TNFRSF10C: variants seen among roughly 807,000 people sequenced by gnomAD.
TNFRSF10C encodes the protein TNF receptor superfamily member 10c.
TNFRSF10C carries 17 observed loss-of-function variants against 16.7 expected under a neutral mutation model. That is an observed-to-expected ratio of 1.02 (90% CI 0.70 to 1.53). TNFRSF10C has a LOEUF of 1.53. Among genes scored for constraint, TNFRSF10C ranks in the 40% most tolerant of loss-of-function variants. The pLI is 0.00. For synonymous variants in TNFRSF10C, 73 were observed against 119.7 expected (o/e 0.61, Z 2.55); for missense variants, 237 against 329.7 (o/e 0.72, Z 2.18).
chr8:23,103,164 G>A lies in TNFRSF10C; in HGVS notation c.43G>A (p.Val15Ile), dbSNP rs147367612. 2 of 1,611,664 alleles carry A rather than the reference G, an allele frequency of 1.2e-6. No individual in the cohort carries two copies. The highest frequency in any genetic ancestry group is 1.7e-6 in the Non-Finnish European group (2 of 1,179,232). ...GACCCTAAAGTTCGTCGTCGTCATC[G>A]TCGCGGTCCTGCTGCCAGTGAGTCC... The part of the protein sequence containing the change: ...PKTLKFVVVI[V>I]AVLLPVLAYS... Residue 15 changes from valine (V) to isoleucine (I), a missense_variant, in exon 1 of 5, where the codon GTC (valine) becomes ATC (isoleucine). By Grantham distance (29) the Val-to-Ile change is conservative. Around this residue, in one of 2 missense-constraint regions of TNFRSF10C, gnomAD observed 212 missense variants for 196.8 expected, o/e 1.08. Transcript: ENST00000356864.
rs1430445136 is a variant in TNFRSF10C, at chr8:23,110,069, C to T, written c.61-1651C>T. 5.0e-5 allele frequency among the ~76,000 whole-genome samples: 2 copies of T among 39,642 alleles called. 1 individual carries two copies. Among genetic ancestry groups the T allele is most frequent in the Non-Finnish European group, 7.9e-5 (2 of 25,162 alleles). The allele number at this position is 39,642 out of a possible 152,430, so 26.0% of individuals were successfully genotyped here. A position where few individuals can be genotyped will look rare whatever the true frequency, so the allele number is the denominator to read the frequency against. On this transcript the variant is annotated intron_variant, in intron 1 of 4. Transcript: ENST00000356864. ...GGAGGACAGAGGGAGACCCTGTCTCCAAAAAAAAAAAAAAAAAAAAAAAAA... is the reference window on the plus strand; with the variant it reads ...GGAGGACAGAGGGAGACCCTGTCTCTAAAAAAAAAAAAAAAAAAAAAAAAA...
chr8:23,110,916 CAT>C (rs1443790069), intron 1 of TNFRSF10C, among the ~76,000 whole-genome samples: 2 of 152,178 alleles, frequency 1.3e-5, no homozygotes, highest in African/African-American at 2.4e-5. Context: ...ATGAAGGGCT[CAT>C]ATGTGTGTGG....
intron 4 of TNFRSF10C, 135 bp from the exon 5 acceptor site, chr8:23,116,506 A>G: frequency 7.9e-7 from 1 of 1,258,250 alleles, no homozygotes; most frequent in Non-Finnish European, 1.1e-6. Context: ...AACTTGGGGG[A>G]CCCCCTCCAG....
chr8:23,113,200 T>C (rs1294342473), intron 2 of TNFRSF10C, among the ~76,000 whole-genome samples: 1 of 152,240 alleles, frequency 6.6e-6, no homozygotes, highest in Non-Finnish European at 1.5e-5. Context: ...TTTTGGATTT[T>C]AACCAAAATC....
chr8:23,115,454 A>T (rs1413714503), intron 3 of TNFRSF10C, 54 bp from the exon 4 acceptor site: 6 of 1,504,696 alleles, frequency 4.0e-6, no homozygotes, highest in Admixed American at 1.7e-5. Context: ...GGTAAGGAAG[A>T]TCGAGGGATA....
chr8:23,110,707 G>T (rs1813865241), intron 1 of TNFRSF10C, among the ~76,000 whole-genome samples: 1 of 152,170 alleles, frequency 6.6e-6, no homozygotes, highest in African/African-American at 2.4e-5. Flanking sequence ...CCTTTGTAAA[G>T]CAGTAATTAA....
At chr8:23,107,426 C>G (rs962891762) in intron 1 of TNFRSF10C, among the ~76,000 whole-genome samples, 1 of 152,058 alleles carries the variant, frequency 6.6e-6, no homozygotes, top group African/African-American at 2.4e-5. Context: ...GGTGGTAGTT[C>G]CACAATGTAT....
chr8:23,114,808 GT>G, intron 3 of TNFRSF10C, 38 bp downstream of exon 3: 1 of 1,576,406 alleles, frequency 6.3e-7, no homozygotes, highest in South Asian at 1.1e-5. Flanking sequence ...GAGGTGGAGC[GT>G]GGGGCAATGA....
intron 1 of TNFRSF10C, among the ~76,000 whole-genome samples, chr8:23,107,217 A>G (rs1028816225): frequency 2.6e-5 from 4 of 152,214 alleles, no homozygotes; most frequent in African/African-American, 9.6e-5. Flanking sequence ...AAAAACAGAA[A>G]AACACAGAAA....
At chr8:23,108,176 C>A (rs1813813568) in intron 1 of TNFRSF10C, among the ~76,000 whole-genome samples, 1 of 151,720 alleles carries the variant, frequency 6.6e-6, no homozygotes, top group Admixed American at 6.6e-5. Flanking sequence ...AAGGAAGGAA[C>A]AGGAAGGAAA....
intron 1 of TNFRSF10C, among the ~76,000 whole-genome samples, chr8:23,106,744 C>T (rs12679877): frequency 0.35 from 52,498 of 151,840 alleles, 9,982 homozygotes; most frequent in African/African-American, 0.49. Context: ...CCCAGCACTT[C>T]GGGAGGTCAA....
rs190914562 is a variant in TNFRSF10C, at chr8:23,113,166, T to C, written c.166+1341T>C. ...ACTTGGATTATTTGATTGTGTGCTA[T>C]TGAGATGTTTGAGTTCCTGTGTATT... On this transcript the variant is annotated intron_variant, in intron 2 of 4. Coordinates refer to ENST00000356864, the MANE Select transcript of TNFRSF10C (RefSeq NM_003841.5). 4.6e-5 allele frequency among the ~76,000 whole-genome samples: 7 copies of C among 152,360 alleles called. No individual in the cohort carries two copies. In the East Asian group the frequency reaches 5.8e-4, roughly 13 times the overall value.
At position 23,117,247 on chromosome 8, in the gene TNFRSF10C, G is replaced by A; in HGVS notation, c.*216G>A. 7.0e-6 allele frequency: 5 copies of A among 709,478 alleles called. No individual in the cohort carries two copies. The highest frequency in any genetic ancestry group is 9.1e-6 in the Non-Finnish European group (4 of 439,138). 43.9% of individuals were successfully genotyped at this position (709,478 alleles called of 1,614,324 possible). On this transcript the variant is annotated 3_prime_UTR_variant, in exon 5 of 5. Coordinates refer to ENST00000356864, the MANE Select transcript of TNFRSF10C (RefSeq NM_003841.5). ...TCCCCACATCCCGTGCACCCCCCAG[G>A]ACCCTGGTCTCATCAGTCCCTCTCC...
chr8:23,113,177 G>T (rs1813911852), intron 2 of TNFRSF10C, among the ~76,000 whole-genome samples: 1 of 152,136 alleles, frequency 6.6e-6, no homozygotes, highest in African/African-American at 2.4e-5. Context: ...TGAGATGTTT[G>T]AGTTCCTGTG....
chr8:23,106,830 C>A (rs1042416690), intron 1 of TNFRSF10C, among the ~76,000 whole-genome samples: 2 of 151,408 alleles, frequency 1.3e-5, no homozygotes, highest in Non-Finnish European at 2.9e-5. Flanking sequence ...ACTGAAAATA[C>A]AAAACAATTA....
At chr8:23,108,550 A>G (rs1301509296) in intron 1 of TNFRSF10C, among the ~76,000 whole-genome samples, 1 of 152,214 alleles carries the variant, frequency 6.6e-6, no homozygotes, top group African/African-American at 2.4e-5. Context: ...AGGACATTGA[A>G]TATTATGGGA....
rs1190186152 is a variant in TNFRSF10C at position 23,115,526 on chromosome 8, C to A, written c.299C>A (p.Ser100Tyr). 6 of 1,612,904 alleles carry A rather than the reference C, an allele frequency of 3.7e-6. No individual in the cohort carries two copies. Among genetic ancestry groups the A allele is most frequent in the Non-Finnish European group, 4.2e-6 (5 of 1,179,450 alleles). The stretch of plus-strand genomic sequence containing the variant: ...TTGTCAGATCAAAAACATAAAAGTT[C>A]CTGCACCATGACCAGAGACACAGTG... ...VCKSDQKHKS[S>Y]CTMTRDTVCQ... Residue 100 changes from serine to tyrosine, a missense_variant, in exon 4 of 5, where the codon TCC becomes TAC. Coordinates refer to ENST00000356864, the MANE Select transcript of TNFRSF10C (RefSeq NM_003841.5).
At chr8:23,103,411 C>A (rs1230207339) in intron 1 of TNFRSF10C, 7 of 712,720 alleles carry the variant, frequency 9.8e-6, no homozygotes, top group Non-Finnish European at 1.6e-5. Context: ...GCCCCGAGCC[C>A]GCGAAGGGAG....
In TNFRSF10C at chr8:23,117,185, C is replaced by A; in HGVS notation, c.*154C>A. The A allele has an allele frequency of 1.7e-6, 2 of 1,170,618 alleles. No individual in the cohort carries two copies. Among genetic ancestry groups the A allele is most frequent in the Middle Eastern group, 2.9e-4 (1 of 3,484 alleles). The allele number at this position is 1,170,618 out of a possible 1,614,324, so 72.5% of individuals were successfully genotyped here. ...GCCCCTGCCCCAAGTCCTGGTGTCTCCAGCCTGGCTCTATCTTCCTCCTTG... is the reference window on the plus strand; with the variant it reads ...GCCCCTGCCCCAAGTCCTGGTGTCTACAGCCTGGCTCTATCTTCCTCCTTG... On this transcript the variant is annotated 3_prime_UTR_variant, in exon 5 of 5. Coordinates refer to ENST00000356864, the MANE Select transcript of TNFRSF10C (RefSeq NM_003841.5).
Sources: gnomAD v4.1 joint callset for allele counts (sites outside exome capture counted in the v4.1 genomes callset) on GRCh38, gnomAD v4.1.1 for gene constraint, gnomAD v4.1.1 regional missense constraint, MANE v1.5 for transcripts, NCBI Gene and HGNC (gene_info 2026-07-23, HGNC 2026-07-21) for gene names.